ADTRP: variants seen among roughly 807,000 people sequenced by gnomAD.
ADTRP encodes androgen-dependent TFPI-regulating protein.
In ADTRP, 20 loss-of-function variants were observed where a neutral mutation model predicts 27.0. The ratio of observed to expected loss-of-function variants is 0.74; its 90% confidence interval spans 0.52 to 1.08. The LOEUF is 1.08. Ranked by LOEUF, ADTRP falls within the 50% of genes least tolerant of loss-of-function variation. The probability of loss-of-function intolerance (pLI) is 0.00; values close to 1 mark genes in which losing one functional copy is unlikely to be tolerated. For missense variants in ADTRP, 251 were observed against 275.0 expected, an observed-to-expected ratio of 0.91 and a Z score of 0.62; for synonymous variants, 101 against 105.2, an observed-to-expected ratio of 0.96 and a Z score of 0.25.
intron 5 of ADTRP, chr6:11,717,436 T>C: frequency 1.5e-6 from 2 of 1,303,482 alleles, no homozygotes; most frequent in South Asian, 1.2e-5. Flanking sequence ...GCCAAGAAAT[T>C]ATTGTTTCAA....
intron 5 of ADTRP, among the ~76,000 whole-genome samples, chr6:11,722,709 ATTTTT>A (rs372093967): frequency 2.0e-5 from 3 of 151,744 alleles, no homozygotes; most frequent in Non-Finnish European, 4.4e-5. Flanking sequence ...AGTTAAGATG[ATTTTT>A]TTTTCTTAGG....
intron 5 of ADTRP, among the ~76,000 whole-genome samples, chr6:11,720,010 G>A (rs898120880): frequency 2.6e-5 from 4 of 152,312 alleles, no homozygotes; most frequent in Non-Finnish European, 4.4e-5. Flanking sequence ...GAAAGCTGGG[G>A]CACAGAGACC....
chr6:11,735,614 T>A lies in ADTRP; in HGVS notation c.460A>T (p.Thr154Ser). Reference protein sequence around the residue: ...LRPHSYPSKKTGLTLLAAASI... With the variant: ...LRPHSYPSKKSGLTLLAAASI... ...GCAGCAGCCAGCAAGGTGAGTCCTG[T>A]CTTCTTTGATGGATAGGAGTGAGGC... The change falls in exon 4 of 6, where the codon ACA (threonine) becomes TCA (serine). Residue 154 changes from threonine (T) to serine (S), a missense_variant. Coordinates refer to ENST00000414691, the MANE Select transcript of ADTRP (RefSeq NM_032744.4). 1 of 1,614,090 alleles carries A rather than the reference T, an allele frequency of 6.2e-7. No individual in the cohort carries two copies. Among genetic ancestry groups the A allele is most frequent in the Non-Finnish European group, 8.5e-7 (1 of 1,179,974 alleles).
At chr6:11,742,427 T>C (rs1236892387) in intron 3 of ADTRP, among the ~76,000 whole-genome samples, 1 of 152,202 alleles carries the variant, frequency 6.6e-6, no homozygotes, top group Non-Finnish European at 1.5e-5. Flanking sequence ...AAATTAGAAC[T>C]CAGAAGAACA....
chr6:11,776,711 G>A (rs1224775436), intron 1 of ADTRP, among the ~76,000 whole-genome samples: 4 of 152,180 alleles, frequency 2.6e-5, no homozygotes, highest in African/African-American at 9.7e-5. Flanking sequence ...AGTGACAGCA[G>A]GAAGCCCAAG....
At chr6:11,720,229 T>C (rs2113871064) in intron 5 of ADTRP, among the ~76,000 whole-genome samples, 1 of 152,322 alleles carries the variant, frequency 6.6e-6, no homozygotes. Context: ...AATACGTGGC[T>C]ATCTATAAGT....
intron 2 of ADTRP, among the ~76,000 whole-genome samples, chr6:11,767,354 A>G (rs1763608779): frequency 6.6e-6 from 1 of 152,174 alleles, no homozygotes; most frequent in East Asian, 1.9e-4. Flanking sequence ...CTACCCCCCA[A>G]AACCAAAAAG....
chr6:11,748,245 A>G (rs1762929767), intron 3 of ADTRP, among the ~76,000 whole-genome samples: 1 of 152,204 alleles, frequency 6.6e-6, no homozygotes, highest in South Asian at 2.1e-4. Flanking sequence ...GTATAAAAGA[A>G]CACTCCAAAG....
At position 11,714,231 on chromosome 6, in the gene ADTRP, A is replaced by C. The variant is rs1367361449; in HGVS notation, c.*247T>G. 2.1e-6 allele frequency: 1 copy of C among 482,594 alleles called. No individual in the cohort carries two copies. Among genetic ancestry groups the C allele is most frequent in the African/African-American group, 2.0e-5 (1 of 49,988 alleles). 29.9% of individuals were successfully genotyped at this position (482,594 alleles called of 1,614,324 possible). A position where few individuals can be genotyped will look rare whatever the true frequency, so the allele number is the denominator to read the frequency against. The stretch of plus-strand genomic sequence containing the variant: ...TTTAACCAGAGACCATCCTCCACGA[A>C]GGTCAAAGATAATTAATTCTGAGAT... On this transcript the variant is annotated 3_prime_UTR_variant, in exon 6 of 6. Coordinates refer to ENST00000414691, the MANE Select transcript of ADTRP (RefSeq NM_032744.4).
At chr6:11,747,349 G>A (rs1441927980) in intron 3 of ADTRP, among the ~76,000 whole-genome samples, 1 of 152,170 alleles carries the variant, frequency 6.6e-6, no homozygotes, top group East Asian at 1.9e-4. Context: ...AAATGATTGT[G>A]CACTTTTTGG....
chr6:11,772,217 TC>T (rs1254227583), intron 1 of ADTRP, among the ~76,000 whole-genome samples: 24 of 152,240 alleles, frequency 1.6e-4, no homozygotes, highest in Non-Finnish European at 1.5e-5. Context: ...CACTGCGTGT[TC>T]CGTGCCTTTT....
chr6:11,763,583 A>G (rs1763459884), intron 3 of ADTRP, among the ~76,000 whole-genome samples: 1 of 152,202 alleles, frequency 6.6e-6, no homozygotes, highest in Non-Finnish European at 1.5e-5. Flanking sequence ...TGGCTGCCAT[A>G]GTGGTGATTT....
intron 4 of ADTRP, among the ~76,000 whole-genome samples, chr6:11,724,239 T>C (rs909753955): frequency 1.3e-5 from 2 of 152,084 alleles, no homozygotes; most frequent in Admixed American, 1.3e-4. Context: ...GGGTTTGCTT[T>C]TTTGGATCTA....
At chr6:11,757,676 G>A (rs563302750) in intron 3 of ADTRP, among the ~76,000 whole-genome samples, 1 of 152,214 alleles carries the variant, frequency 6.6e-6, no homozygotes, top group Non-Finnish European at 1.5e-5. Flanking sequence ...CTGCAAGGAG[G>A]AAGAGGTAAA....
chr6:11,738,265 G>T (rs1433773350), intron 3 of ADTRP, among the ~76,000 whole-genome samples: 1 of 152,160 alleles, frequency 6.6e-6, no homozygotes, highest in East Asian at 1.9e-4. Context: ...TCTGCAAGAG[G>T]CTGTGGCATG....
chr6:11,766,247 A>C (rs1225795044), intron 3 of ADTRP, 27 bp downstream of exon 3: 1 of 1,548,088 alleles, frequency 6.5e-7, no homozygotes, highest in Non-Finnish European at 8.9e-7. Flanking sequence ...TGGTGTTCTG[A>C]GTTCACTGAA....
chr6:11,743,783 C>G (rs1561756504), intron 3 of ADTRP, among the ~76,000 whole-genome samples: 1 of 152,182 alleles, frequency 6.6e-6, no homozygotes, highest in Non-Finnish European at 1.5e-5. Context: ...GAAGAGAGGT[C>G]TTCTGCACAG....
chr6:11,717,233 C>T (rs936817541), intron 5 of ADTRP: 46 of 1,254,298 alleles, frequency 3.7e-5, no homozygotes, highest in South Asian at 1.9e-4. Context: ...AGATTCACCC[C>T]GACTTGTTTT....
At chr6:11,778,263 G>A (rs1348493169) in intron 1 of ADTRP, among the ~76,000 whole-genome samples, 1 of 152,158 alleles carries the variant, frequency 6.6e-6, no homozygotes, top group Non-Finnish European at 1.5e-5. Context: ...ACTTCCCCAA[G>A]CAAAGTTCAA....
Sources: allele counts gnomAD v4.1 joint callset (sites outside exome capture counted in the v4.1 genomes callset), GRCh38; gene constraint gnomAD v4.1.1; transcripts MANE v1.5; gene names NCBI Gene and HGNC (gene_info 2026-07-23, HGNC 2026-07-21).